PLOD2: variants seen among roughly 807,000 people sequenced by gnomAD.
PLOD2 encodes the protein procollagen-lysine,2-oxoglutarate 5-dioxygenase 2.
PLOD2 carries 65 observed loss-of-function variants against 101.0 expected under a neutral mutation model. The ratio of observed to expected loss-of-function variants is 0.64; its 90% CI spans 0.53 to 0.79. PLOD2 has a LOEUF of 0.79. Ranked by LOEUF, PLOD2 falls within the 30% of genes least tolerant of loss-of-function variation. The pLI is 0.00. For synonymous variants in PLOD2, 314 were observed against 302.9 expected (o/e 1.04, Z -0.38); for missense variants, 909 against 914.6 (o/e 0.99, Z 0.08).
intron 1 of PLOD2, among the ~76,000 whole-genome samples, chr3:146,151,784 G>C (rs185382046): frequency 2.8e-5 from 4 of 140,582 alleles, no homozygotes; most frequent in Non-Finnish European, 6.4e-5. Flanking sequence ...GTTTTTGTTT[G>C]TTCATTCTGG....
intron 1 of PLOD2, among the ~76,000 whole-genome samples, chr3:146,155,542 C>G (rs1238236584): frequency 1.5e-5 from 2 of 136,652 alleles, no homozygotes; most frequent in Non-Finnish European, 3.3e-5. Context: ...GAAACCCCAT[C>G]TCTACTAAAA....
At chr3:146,137,641 C>T (rs1331644734) in intron 1 of PLOD2, among the ~76,000 whole-genome samples, 1 of 152,108 alleles carries the variant, frequency 6.6e-6, no homozygotes, top group East Asian at 1.9e-4. Context: ...TTAGCATGGA[C>T]TAGAACAACT....
rs2031224864 is a variant in PLOD2, at chr3:146,136,291, AATTCATAT to A, written c.110-12070_110-12063del. Reference sequence around the variant, plus strand: ...ATACTGAACCTGATGAGACTTTACCAATTCATATTACAGGTTGAGCATTCCTAGCCCAG... The same window carrying A: ...ATACTGAACCTGATGAGACTTTACCATACAGGTTGAGCATTCCTAGCCCAG... On this transcript the variant is annotated intron_variant, in intron 1 of 19. Coordinates refer to ENST00000282903, the MANE Select transcript of PLOD2 (RefSeq NM_182943.3). Among the ~76,000 whole-genome samples, 6 of 152,254 alleles carry A rather than the reference AATTCATAT, an allele frequency of 3.9e-5. No individual in the cohort carries two copies. The South Asian group carries it at 1.2e-3, about 32-fold the overall frequency.
chr3:146,078,015 C>A, intron 13 of PLOD2, 91 bp from the exon 14 acceptor site: 1 of 791,460 alleles, frequency 1.3e-6, no homozygotes. Context: ...AGCTGTTGAT[C>A]AAAAGCTAAC....
intron 8 of PLOD2, among the ~76,000 whole-genome samples, chr3:146,091,153 C>A (rs1337577592): frequency 6.6e-6 from 1 of 151,700 alleles, no homozygotes; most frequent in East Asian, 1.9e-4. Context: ...TAGCAACATG[C>A]CTAGAATATA....
At chr3:146,083,742 C>A (rs139816619) in intron 11 of PLOD2, among the ~76,000 whole-genome samples, 2 of 151,744 alleles carry the variant, frequency 1.3e-5, no homozygotes, top group African/African-American at 4.8e-5. Flanking sequence ...CTACCACGCC[C>A]GGCTAATTTT....
chr3:146,153,848 A>G (rs558607741), intron 1 of PLOD2, among the ~76,000 whole-genome samples: 2 of 151,558 alleles, frequency 1.3e-5, no homozygotes, highest in Non-Finnish European at 2.9e-5. Context: ...AAAAAAAGAT[A>G]AGAAAAACAG....
rs758719698 is a variant in PLOD2 at position 146,072,624 on chromosome 3, T to G, written c.1785A>C (p.Lys595Asn). Reference protein sequence around the residue: ...DVFWFPIFSEKACDELVEEME... With the variant: ...DVFWFPIFSENACDELVEEME... ...TTTCTTCTACCAATTCATCACAGGCTTTTTCAGAAAATATGGGGAACCAAA... is the reference window on the plus strand; with the variant it reads ...TTTCTTCTACCAATTCATCACAGGCGTTTTCAGAAAATATGGGGAACCAAA... The change falls in exon 17 of 20, where the codon AAA becomes AAC. Residue 595 changes from lysine (K) to asparagine (N), a missense_variant. Lys to Asn is a moderately conservative substitution (Grantham distance 94). Coordinates refer to ENST00000282903, the MANE Select transcript of PLOD2 (RefSeq NM_182943.3). 1 of 1,610,390 alleles carries G rather than the reference T, an allele frequency of 6.2e-7. No homozygotes were observed. The highest frequency in any genetic ancestry group is 1.7e-5 in the Admixed American group (1 of 59,718).
chr3:146,103,041 T>C (rs946946847), intron 6 of PLOD2, among the ~76,000 whole-genome samples, 189 bp from the exon 7 acceptor site: 2 of 152,168 alleles, frequency 1.3e-5, no homozygotes, highest in Non-Finnish European at 2.9e-5. Context: ...AAATGAAGGA[T>C]GACAGTGACA....
In PLOD2 at chr3:146,072,732, T is replaced by A. The variant is rs3762694; in HGVS notation, c.1744-67A>T. On this transcript the variant is annotated intron_variant, in intron 16 of 19. Coordinates refer to ENST00000282903, the MANE Select transcript of PLOD2 (RefSeq NM_182943.3). ...GTGTCTTAATAGTCTAAAATAGTTATTTTAATATGTGTAAAATAAAAAATC... is the reference window on the plus strand; with the variant it reads ...GTGTCTTAATAGTCTAAAATAGTTAATTTAATATGTGTAAAATAAAAAATC... 0.22 allele frequency: 202,911 copies of A among 936,640 alleles called. 23,454 individuals carry two copies. Among genetic ancestry groups the A allele is most frequent in the South Asian group, 0.26 (19,015 of 72,944 alleles). 58.0% of individuals were successfully genotyped at this position (936,640 alleles called of 1,614,324 possible). A position where few individuals can be genotyped will look rare whatever the true frequency, so the allele number is the denominator to read the frequency against.
chr3:146,132,592 T>G (rs999537076), intron 1 of PLOD2, among the ~76,000 whole-genome samples: 3 of 150,904 alleles, frequency 2.0e-5, no homozygotes, highest in Non-Finnish European at 4.4e-5. Context: ...ATTAAGAACT[T>G]TTTTTTTTAG....
intron 1 of PLOD2, among the ~76,000 whole-genome samples, chr3:146,141,376 T>G (rs1478317878): frequency 6.6e-6 from 1 of 152,080 alleles, no homozygotes; most frequent in Non-Finnish European, 1.5e-5. Context: ...AAGTTCTCGT[T>G]TTTATTGAAA....
chr3:146,098,824 AAACT>A (rs566989422), intron 7 of PLOD2, among the ~76,000 whole-genome samples: 276 of 152,228 alleles, frequency 1.8e-3, no homozygotes, highest in Non-Finnish European at 2.6e-3. Context: ...ATAATAAGTA[AAACT>A]AACTTACAAA....
chr3:146,099,499 C>T (rs1348395987), intron 7 of PLOD2, among the ~76,000 whole-genome samples: 3 of 152,082 alleles, frequency 2.0e-5, no homozygotes, highest in East Asian at 1.9e-4. Flanking sequence ...CAGGTTTAAG[C>T]GATTCTCGTG....
intron 16 of PLOD2, 95 bp from the exon 17 acceptor site, chr3:146,072,760 G>C (rs1412570879): frequency 6.5e-6 from 5 of 774,290 alleles, no homozygotes; most frequent in Non-Finnish European, 1.1e-5. Context: ...AAAAAATCCT[G>C]TATGACTAGG....
At chr3:146,160,634 C>T (rs2032527880) in intron 1 of PLOD2, among the ~76,000 whole-genome samples, 1 of 152,108 alleles carries the variant, frequency 6.6e-6, no homozygotes, top group Non-Finnish European at 1.5e-5. Context: ...ACTTGTTCTG[C>T]AGGGAAATTC....
intron 4 of PLOD2, among the ~76,000 whole-genome samples, chr3:146,109,268 A>G (rs934202003): frequency 1.3e-5 from 2 of 152,248 alleles, no homozygotes; most frequent in Non-Finnish European, 2.9e-5. Flanking sequence ...AGAGGAAAAG[A>G]GATTTCAAAC....
At chr3:146,158,289 C>A (rs992101039) in intron 1 of PLOD2, among the ~76,000 whole-genome samples, 2 of 152,120 alleles carry the variant, frequency 1.3e-5, no homozygotes, top group African/African-American at 4.8e-5. Flanking sequence ...AATTCCTATA[C>A]GTTATTTTCA....
intron 5 of PLOD2, among the ~76,000 whole-genome samples, chr3:146,105,732 T>C (rs547533009): frequency 6.6e-6 from 1 of 152,306 alleles, no homozygotes; most frequent in Admixed American, 6.5e-5. Context: ...AAGGATCCAG[T>C]CCCTACAATG....
Sources: gnomAD v4.1 joint callset for allele counts (sites outside exome capture counted in the v4.1 genomes callset) on GRCh38, gnomAD v4.1.1 for gene constraint, MANE v1.5 for transcripts, NCBI Gene and HGNC (gene_info 2026-07-23, HGNC 2026-07-21) for gene names.